CD53: variants seen among roughly 807,000 people sequenced by gnomAD.
CD53 encodes CD53 molecule, also known as leukocyte surface antigen CD53.
Under a neutral mutation model 27.3 loss-of-function variants are expected in CD53, and 20 were observed. That is an observed-to-expected ratio of 0.73 (90% CI 0.52 to 1.07). The LOEUF (loss-of-function observed/expected upper bound fraction) is 1.07. CD53 is among the 50% of genes least tolerant of loss of function. The pLI is 0.00. For missense variants in CD53, 216 were observed against 264.0 expected (o/e 0.82, Z 1.26); for synonymous variants, 106 against 105.3 (o/e 1.01, Z -0.04).
At chr1:110,891,722 A>G (rs1416128120) in intron 2 of CD53, among the ~76,000 whole-genome samples, 1 of 152,202 alleles carries the variant, frequency 6.6e-6, no homozygotes, top group African/African-American at 2.4e-5. Flanking sequence ...TTAGTTTACT[A>G]CTACTCGTAG....
At chr1:110,892,040 G>A (rs527893085) in intron 2 of CD53, among the ~76,000 whole-genome samples, 2 of 152,288 alleles carry the variant, frequency 1.3e-5, no homozygotes, top group East Asian at 1.9e-4. Context: ...ATGTGTGAGC[G>A]ACTGAAAAGA....
At chr1:110,880,596 A>T (rs1656318617) in intron 1 of CD53, among the ~76,000 whole-genome samples, 1 of 152,074 alleles carries the variant, frequency 6.6e-6, no homozygotes, top group Non-Finnish European at 1.5e-5. Context: ...CTGATGGGTG[A>T]GTTAGTTATT....
intron 1 of CD53, among the ~76,000 whole-genome samples, chr1:110,887,165 G>A (rs868218598): frequency 6.6e-6 from 1 of 151,938 alleles, no homozygotes; most frequent in Non-Finnish European, 1.5e-5. Flanking sequence ...CCGGGTTCAC[G>A]CCATTCTCCT....
chr1:110,886,021 T>TTTTA (rs1251057294), intron 1 of CD53, among the ~76,000 whole-genome samples: 1 of 152,232 alleles, frequency 6.6e-6, no homozygotes, highest in East Asian at 1.9e-4. Context: ...AGAGGATTGC[T>TTTTA]TTTAACATTT....
Position 110,894,389 on chromosome 1 carries a change from A to C in CD53, c.315A>C (p.Val105=). 1 of 1,613,234 alleles carries C rather than the reference A, an allele frequency of 6.2e-7. No individual in the cohort carries two copies. Among genetic ancestry groups the C allele is most frequent in the Non-Finnish European group, 8.5e-7 (1 of 1,179,142 alleles). Residue 105 remains valine (V), a synonymous_variant, in exon 4 of 8, where the codon GTA becomes GTC. Transcript: ENST00000271324. ...TGACCTTGGCCATCCTGCTCTTTGT[A>C]TATGAACAGAAGGTAAGTTATAAAG... ...AEVTLAILLF[V]YEQKLNEYVA... is the part of the protein sequence containing the mutation.
intron 1 of CD53, among the ~76,000 whole-genome samples, chr1:110,888,256 T>G (rs1656708933): frequency 2.0e-5 from 3 of 152,198 alleles, no homozygotes; most frequent in Admixed American, 2.0e-4. Context: ...TTAGCAGCAA[T>G]AGGAAACTGA....
At chr1:110,881,614 G>GTAAA (rs1278321162) in intron 1 of CD53, among the ~76,000 whole-genome samples, 2 of 152,126 alleles carry the variant, frequency 1.3e-5, no homozygotes, top group Non-Finnish European at 2.9e-5. Context: ...TTTCTCTTGG[G>GTAAA]TAAATACCTA....
In CD53 at chr1:110,897,901, T is replaced by G; in HGVS notation, c.588+9T>G. Reference sequence around the variant, plus strand: ...GTGTATGTGTGATTGAGGTAAGAGCTTAACCACAGGGTTATTGTGAGGATT... The same window carrying G: ...GTGTATGTGTGATTGAGGTAAGAGCGTAACCACAGGGTTATTGTGAGGATT... On this transcript the variant is annotated intron_variant, in intron 7 of 7. Coordinates refer to ENST00000271324, the MANE Select transcript of CD53 (RefSeq NM_000560.4). 6.5e-7 allele frequency: 1 copy of G among 1,534,386 alleles called. No homozygotes were observed. The highest frequency in any genetic ancestry group is 9.0e-7 in the Non-Finnish European group (1 of 1,110,194).
intron 4 of CD53, 31 bp from the exon 5 acceptor site, chr1:110,894,929 A>G: frequency 1.3e-6 from 2 of 1,554,216 alleles, no homozygotes; most frequent in Non-Finnish European, 1.8e-6. Flanking sequence ...GCTTTTTACC[A>G]TGTCTCCTCT....
At chr1:110,893,522 A>G (rs148503088) in intron 3 of CD53, among the ~76,000 whole-genome samples, 1 of 152,284 alleles carries the variant, frequency 6.6e-6, no homozygotes, top group African/African-American at 2.4e-5. Flanking sequence ...GGGTTTCTCC[A>G]TATTGGTCAA....
chr1:110,894,082 T>C (rs1656961633), intron 3 of CD53, among the ~76,000 whole-genome samples: 1 of 152,246 alleles, frequency 6.6e-6, no homozygotes, highest in Non-Finnish European at 1.5e-5. Context: ...GTATTATGCA[T>C]GTAGTGCTCT....
chr1:110,896,559 C>A, intron 5 of CD53, 94 bp from the exon 6 acceptor site: 1 of 1,142,536 alleles, frequency 8.8e-7, no homozygotes, highest in Non-Finnish European at 1.3e-6. Flanking sequence ...GCTATAGAGT[C>A]AGATCTGAAG....
Position 110,899,322 on chromosome 1 carries a change from G to T in CD53, c.*127G>T. On this transcript the variant is annotated 3_prime_UTR_variant, in exon 8 of 8. Coordinates refer to ENST00000271324, the MANE Select transcript of CD53 (RefSeq NM_000560.4). The stretch of plus-strand genomic sequence containing the variant: ...CCATCCTTTCCCTTTTTAGGTCCCT[G>T]TCTTATACAACCAGAGAAGTGGGTG... The T allele has an allele frequency of 1.5e-6, 1 of 647,894 alleles. No homozygotes were observed. 40.1% of individuals were successfully genotyped at this position (647,894 alleles called of 1,614,324 possible).
At chr1:110,877,199 G>A (rs1431274217) in intron 1 of CD53, among the ~76,000 whole-genome samples, 1 of 152,176 alleles carries the variant, frequency 6.6e-6, no homozygotes, top group East Asian at 1.9e-4. Flanking sequence ...TTCTTGAAGA[G>A]TAAGGTCAGT....
chr1:110,899,140 T>C lies in CD53; in HGVS notation c.605T>C (p.Phe202Ser), dbSNP rs761949099. The change falls in exon 8 of 8, where the codon TTT becomes TCT. Residue 202 changes from phenylalanine to serine, a missense_variant. By Grantham distance (155) the Phe-to-Ser change is radical. Transcript: ENST00000271324. ...TTTTCACAGGTGTTGGGGATGTCCT[T>C]TGCACTGACCCTGAACTGCCAGATT... ...VCVIEVLGMS[F>S]ALTLNCQIDK... is the part of the protein sequence containing the mutation. The C allele has an allele frequency of 6.2e-7, 1 of 1,613,886 alleles. No homozygotes were observed. The highest frequency in any genetic ancestry group is 8.5e-7 in the Non-Finnish European group (1 of 1,179,832).
intron 1 of CD53, among the ~76,000 whole-genome samples, chr1:110,890,908 C>T (rs1267566894): frequency 1.3e-5 from 2 of 152,228 alleles, no homozygotes; most frequent in Non-Finnish European, 2.9e-5. Context: ...TATGTTCCCC[C>T]TACTTTCATG....
At chr1:110,877,779 C>T (rs538196680) in intron 1 of CD53, among the ~76,000 whole-genome samples, 6 of 152,286 alleles carry the variant, frequency 3.9e-5, no homozygotes, top group South Asian at 2.1e-4. Context: ...TGAATGGACA[C>T]GAATACATGA....
chr1:110,883,384 C>T lies in CD53; in HGVS notation c.-17-8008C>T, dbSNP rs552974998. ...TTTTTTCAATGTTAAAATAACCTTG[C>T]ATTCCTGAGAGTAGCCCCATTTGTT... On this transcript the variant is annotated intron_variant, in intron 1 of 7. Transcript: ENST00000271324. Among the ~76,000 whole-genome samples, 75 of 152,048 alleles carry T rather than the reference C, an allele frequency of 4.9e-4. 1 individual carries two copies. The East Asian group carries it at 0.01, about 21-fold the overall frequency.
chr1:110,891,548 CTGGTG>C (rs137933588), intron 2 of CD53, 77 bp downstream of exon 2: 234,862 of 1,099,866 alleles, frequency 0.21, 27,048 homozygotes, highest in Non-Finnish European at 0.24. Context: ...ACTGAAGAGG[CTGGTG>C]TGGGGTAAAA....
Sources: gnomAD v4.1 joint callset for allele counts (sites outside exome capture counted in the v4.1 genomes callset) on GRCh38, gnomAD v4.1.1 for gene constraint, MANE v1.5 for transcripts, NCBI Gene and HGNC (gene_info 2026-07-23, HGNC 2026-07-21) for gene names.